The following ERMARD variants were observed in gnomAD, a reference collection of about 807,000 sequenced individuals.
ERMARD encodes the protein ER membrane associated RNA degradation.
In ERMARD, 71 loss-of-function variants were observed where a neutral mutation model predicts 83.9. The ratio of observed to expected loss-of-function variants is 0.85; its 90% confidence interval spans 0.70 to 1.03. The LOEUF is 1.03. Ranked by LOEUF, ERMARD falls within the 50% of genes least tolerant of loss-of-function variation. ERMARD has a pLI of 0.00. For missense variants in ERMARD, 838 were observed against 810.9 expected (o/e 1.03, Z -0.41); for synonymous variants, 284 against 298.6 (o/e 0.95, Z 0.50).
Position 169,756,412 on chromosome 6 carries a change from A to G in ERMARD, c.390A>G (p.Thr130=), listed in dbSNP as rs1790819152. 5.6e-6 allele frequency: 9 copies of G among 1,611,656 alleles called. No individual in the cohort carries two copies. The highest frequency in any genetic ancestry group is 7.6e-6 in the Non-Finnish European group (9 of 1,179,130). Residue 130 remains threonine (T), a synonymous_variant, in exon 4 of 18, where the codon ACA becomes ACG. Transcript: ENST00000366773. The part of the protein sequence containing the change: ...PAISLSLMKL[T]SCLERALGDV... ...TTTCTCTTAGCTTAATGAAACTGACATCGTGTCTAGAACGAGCCTTGGGTG... is the reference window on the plus strand; with the variant it reads ...TTTCTCTTAGCTTAATGAAACTGACGTCGTGTCTAGAACGAGCCTTGGGTG...
At chr6:169,754,568 T>C (rs1159941231) in intron 2 of ERMARD, among the ~76,000 whole-genome samples, 1 of 152,150 alleles carries the variant, frequency 6.6e-6, no homozygotes, top group Non-Finnish European at 1.5e-5. Flanking sequence ...CAGCATTGTT[T>C]ATAATAGCTA....
chr6:169,778,872 G>A (rs140895424), intron 16 of ERMARD, among the ~76,000 whole-genome samples: 1 of 152,356 alleles, frequency 6.6e-6, no homozygotes, highest in East Asian at 1.9e-4. Context: ...GGCGCAGACT[G>A]TACCTGCCTG....
At position 169,776,579 on chromosome 6, in the gene ERMARD, C is replaced by T; in HGVS notation, c.1645C>T (p.Gln549Ter). ...ISEQCRRVSSQVTVASELRHR... is the reference protein window; with the variant it reads ...ISEQCRRVSS ...CGAACAGTGCCGCCGTGTGTCCAGC[C>T]AGGTCACCGTTGCCTCAGAGCTGAG... The change falls in exon 16 of 18, where the codon CAG becomes TAG. Residue 549 changes from glutamine (Q) to a stop codon, truncating the protein, a stop_gained. Transcript: ENST00000366773. LOFTEE classifies it high-confidence loss of function. 1 of 1,614,250 alleles carries T rather than the reference C, an allele frequency of 6.2e-7. No homozygotes were observed. Among genetic ancestry groups the T allele is most frequent in the African/African-American group, 1.3e-5 (1 of 75,072 alleles).
In ERMARD at chr6:169,756,267, A is replaced by G. The variant is rs558340050; in HGVS notation, c.316-71A>G. ...TGAAATCTCTCGAGGTTTGAATTTC[A>G]ATAAATAATATTGTTGCTTTGAGAA... is the stretch of plus-strand genomic sequence containing the variant. On this transcript the variant is annotated intron_variant, in intron 3 of 17. Transcript: ENST00000366773. 5.5e-6 allele frequency: 5 copies of G among 914,446 alleles called. No individual in the cohort carries two copies. In the East Asian group the frequency reaches 1.4e-4, roughly 26 times the overall value. 56.6% of individuals were successfully genotyped at this position (914,446 alleles called of 1,614,324 possible). A position where few individuals can be genotyped will look rare whatever the true frequency, so the allele number is the denominator to read the frequency against.
At chr6:169,758,425 G>A (rs1791091546) in intron 5 of ERMARD, among the ~76,000 whole-genome samples, 1 of 152,210 alleles carries the variant, frequency 6.6e-6, no homozygotes, top group Admixed American at 6.5e-5. Context: ...TGGTGGGGTG[G>A]ATAAGTGATG....
At position 169,766,661 on chromosome 6, in the gene ERMARD, T is replaced by C. The variant is rs761413776; in HGVS notation, c.984T>C (p.Phe328=). 6.3e-7 allele frequency: 1 copy of C among 1,577,270 alleles called. No individual in the cohort carries two copies. Among genetic ancestry groups the C allele is most frequent in the Admixed American group, 2.1e-5 (1 of 47,266 alleles). Residue 328 remains phenylalanine (F), a synonymous_variant, in exon 10 of 18, where the codon TTT becomes TTC. Coordinates refer to ENST00000366773, the MANE Select transcript of ERMARD (RefSeq NM_018341.3). The part of the protein sequence containing the change: ...TAESTALYTT[F]DQILAKHLND... ...AGTCAACAGCTCTTTATACCACCTT[T>C]GATCAAGTAAGTAAGTAAACTTGTA...
At chr6:169,751,697 G>C in intron 1 of ERMARD, 34 bp downstream of exon 1, 1 of 1,539,088 alleles carries the variant, frequency 6.5e-7, no homozygotes, top group Non-Finnish European at 8.8e-7. Flanking sequence ...TCGATCCCGA[G>C]CTAGGCAGGG....
chr6:169,772,660 C>T (rs1585404568), intron 12 of ERMARD, among the ~76,000 whole-genome samples: 2 of 151,432 alleles, frequency 1.3e-5, no homozygotes, highest in African/African-American at 4.9e-5. Flanking sequence ...ATCCCAGCTA[C>T]TCAGGAGGCT....
At chr6:169,765,962 G>A (rs1406535479) in intron 9 of ERMARD, among the ~76,000 whole-genome samples, 3 of 93,238 alleles carry the variant, frequency 3.2e-5, no homozygotes, top group Admixed American at 2.0e-4. Context: ...ATTTCGTCAC[G>A]CTGTCTGTCA....
intron 2 of ERMARD, among the ~76,000 whole-genome samples, chr6:169,754,314 C>A (rs1445388860): frequency 6.6e-6 from 1 of 151,190 alleles, no homozygotes; most frequent in East Asian, 1.9e-4. Flanking sequence ...ATCTCAGGGC[C>A]TTGAGATGAT....
At chr6:169,751,545 CCCA>C (rs1790077865), upstream of ERMARD, 1 of 1,610,452 alleles carries the variant, frequency 6.2e-7, no homozygotes, top group Non-Finnish European at 8.5e-7. Flanking sequence ...GCGGAAGTCT[CCCA>C]CCTGCGCCTC....
chr6:169,758,606 A>G (rs369074003), intron 5 of ERMARD, among the ~76,000 whole-genome samples: 43 of 152,364 alleles, frequency 2.8e-4, no homozygotes, highest in African/African-American at 7.5e-4. Context: ...TATTATGCAC[A>G]TTTGAAGCAA....
At position 169,764,603 on chromosome 6, in the gene ERMARD, C is replaced by T. The variant is rs137870611; in HGVS notation, c.961-2035C>T. Among the ~76,000 whole-genome samples the T allele has an allele frequency of 9.4e-3, 1,431 of 152,190 alleles. 17 individuals carry two copies. The highest frequency in any genetic ancestry group is 0.032 in the African/African-American group (1,331 of 41,530). On this transcript the variant is annotated intron_variant, in intron 9 of 17. Transcript: ENST00000366773. ...ATTATTTTCTAAGCTGATATTCTTA[C>T]GTTATTTATGGTTTTTTTTCATTTG...
intron 1 of ERMARD, 111 bp from the exon 2 acceptor site, chr6:169,753,753 A>G (rs1790451983): frequency 1.4e-6 from 1 of 693,696 alleles, no homozygotes. Flanking sequence ...AAAGCATGTT[A>G]ACAGCAACTA....
At chr6:169,755,962 A>G (rs1011606110) in intron 3 of ERMARD, among the ~76,000 whole-genome samples, 1 of 152,186 alleles carries the variant, frequency 6.6e-6, no homozygotes, top group African/African-American at 2.4e-5. Context: ...GGAGTGAAGG[A>G]ATCATCATGT....
At chr6:169,775,433 G>A in intron 14 of ERMARD, 87 bp downstream of exon 14, 3 of 1,437,790 alleles carry the variant, frequency 2.1e-6, no homozygotes, top group Non-Finnish European at 2.9e-6. Flanking sequence ...GAGGCTGTGG[G>A]AAGATAAAAG....
chr6:169,759,742 T>G, intron 6 of ERMARD, 96 bp from the exon 7 acceptor site: 2 of 1,221,356 alleles, frequency 1.6e-6, no homozygotes, highest in Non-Finnish European at 2.3e-6. Flanking sequence ...AATTTAACTT[T>G]GCTTTCTTAA....
rs530707025 is a variant in ERMARD, at chr6:169,776,660, C to A, written c.1726C>A (p.Arg576Ser). Residue 576 changes from arginine to serine, a missense_variant, in exon 16 of 18, where the codon CGT becomes AGT. Transcript: ENST00000366773. ...GTCTCGCCAGCGGCAGAACTACCTG[C>A]GTATGTGGAGTAGGTGCGCGCTCAC... Reference protein sequence around the residue: ...LRSRQRQNYLRMWSSIRLLSP... With the variant: ...LRSRQRQNYLSMWSSIRLLSP... The A allele has an allele frequency of 6.8e-6, 11 of 1,613,602 alleles. No individual in the cohort carries two copies. In the East Asian group the frequency reaches 2.0e-4, roughly 29 times the overall value.
At chr6:169,751,571 G>C (rs958302650), upstream of ERMARD, 2 of 1,607,626 alleles carry the variant, frequency 1.2e-6, no homozygotes, top group Non-Finnish European at 1.7e-6. Context: ...ACGGTAGGAA[G>C]TGCCCGCCAG....
Sources: allele counts gnomAD v4.1 joint callset (sites outside exome capture counted in the v4.1 genomes callset), GRCh38; gene constraint gnomAD v4.1.1; transcripts MANE v1.5; gene names NCBI Gene and HGNC (gene_info 2026-07-23, HGNC 2026-07-21).